PTPN13: variants seen among roughly 807,000 people sequenced by gnomAD.
PTPN13 encodes the protein tyrosine-protein phosphatase non-receptor type 13.
Under a neutral mutation model 284.0 loss-of-function variants are expected in PTPN13, and 191 were observed. The ratio of observed to expected loss-of-function variants is 0.67; its 90% CI spans 0.60 to 0.76. The LOEUF (loss-of-function observed/expected upper bound fraction) is 0.76, where lower values mean the gene tolerates loss of function less well. Among genes scored for constraint, PTPN13 ranks in the 30% least tolerant of loss-of-function variants. The pLI, the probability that PTPN13 is intolerant of heterozygous loss-of-function variation, is 0.00. For synonymous variants in PTPN13, 986 were observed against 1,022.3 expected, an observed-to-expected ratio of 0.96 and a Z score of 0.68; for missense variants, 2,797 against 2,939.9, an observed-to-expected ratio of 0.95 and a Z score of 1.12.
intron 28 of PTPN13, 37 bp from the exon 29 acceptor site, chr4:86,769,732 A>G (rs1369105061): frequency 7.5e-7 from 1 of 1,329,726 alleles, no homozygotes; most frequent in South Asian, 1.3e-5. Context: ...ACAGCATGTT[A>G]ATAATATCTA....
At chr4:86,684,625 G>A (rs148056592) in intron 3 of PTPN13, among the ~76,000 whole-genome samples, 9 of 152,242 alleles carry the variant, frequency 5.9e-5, no homozygotes, top group African/African-American at 2.2e-4. Flanking sequence ...AAAGTGTTGT[G>A]AGACTGTAAG....
intron 23 of PTPN13, among the ~76,000 whole-genome samples, chr4:86,761,347 A>G (rs1364879927): frequency 6.6e-6 from 1 of 151,948 alleles, no homozygotes; most frequent in Non-Finnish European, 1.5e-5. Flanking sequence ...TTCTATTGTT[A>G]TGTATCCAGG....
chr4:86,734,156 G>T, intron 12 of PTPN13, 147 bp from the exon 13 acceptor site: 1 of 640,790 alleles, frequency 1.6e-6, no homozygotes, highest in African/African-American at 1.9e-5. Flanking sequence ...GAGTGTCTCA[G>T]AGCTCCCTGC....
At chr4:86,596,747 C>T (rs1335249608) in intron 1 of PTPN13, among the ~76,000 whole-genome samples, 2 of 152,102 alleles carry the variant, frequency 1.3e-5, no homozygotes, top group Non-Finnish European at 2.9e-5. Context: ...ATCTTAGTGC[C>T]CAGCCCCAAA....
intron 7 of PTPN13, among the ~76,000 whole-genome samples, chr4:86,715,234 A>ATGTG (rs147987763): frequency 1.2e-4 from 18 of 151,834 alleles, no homozygotes. Context: ...GTGTGTATAT[A>ATGTG]CGTGTGTGTG....
At chr4:86,667,409 T>G (rs1254496696) in intron 2 of PTPN13, among the ~76,000 whole-genome samples, 1 of 152,214 alleles carries the variant, frequency 6.6e-6, no homozygotes, top group African/African-American at 2.4e-5. Context: ...AAACAAGTTT[T>G]TTTTTTAAGT....
At chr4:86,669,293 A>G (rs1237214880) in intron 2 of PTPN13, among the ~76,000 whole-genome samples, 1 of 130,334 alleles carries the variant, frequency 7.7e-6, no homozygotes. Context: ...ATGTATATAT[A>G]TATATATATA....
chr4:86,668,982 C>G (rs1413356381), intron 2 of PTPN13, among the ~76,000 whole-genome samples: 1 of 151,670 alleles, frequency 6.6e-6, no homozygotes, highest in African/African-American at 2.4e-5. Context: ...CACCATTTCT[C>G]TGCCCAAAAT....
At chr4:86,699,464 C>T (rs1455023830) in intron 6 of PTPN13, among the ~76,000 whole-genome samples, 1 of 151,968 alleles carries the variant, frequency 6.6e-6, no homozygotes, top group Non-Finnish European at 1.5e-5. Context: ...CCAACAGCTC[C>T]GGTTTTCCTG....
At chr4:86,810,406 T>C (rs991569800) in intron 46 of PTPN13, among the ~76,000 whole-genome samples, 11 of 152,168 alleles carry the variant, frequency 7.2e-5, no homozygotes, top group African/African-American at 2.4e-4. Flanking sequence ...AAATGTATAT[T>C]TTATTATAAA....
rs796389778 is a variant in PTPN13 at position 86,718,455 on chromosome 4, C to CTTTTTTTTTTTTTTTTTTTTTTTTTTT, written c.1385+1351_1385+1352insTTTTTTTTTTTTTTTTTTTTTTTTTTT. Among the ~76,000 whole-genome samples the CTTTTTTTTTTTTTTTTTTTTTTTTTTT allele has an allele frequency of 9.3e-5, 13 of 140,196 alleles. 1 individual carries two copies. The highest frequency in any genetic ancestry group is 1.8e-4 in the Non-Finnish European group (11 of 62,748). 92.0% of individuals were successfully genotyped at this position (140,196 alleles called of 152,430 possible). A position where few individuals can be genotyped will look rare whatever the true frequency, so the allele number is the denominator to read the frequency against. ...AAATTATTCTTTAGTTAATGGTCCA[C>CTTTTTTTTTTTTTTTTTTTTTTTTTTT]TTTTTTTTTTTTTGAGACAGAGTCT... is the stretch of plus-strand genomic sequence containing the variant. On this transcript the variant is annotated intron_variant, in intron 9 of 47. Coordinates refer to ENST00000411767, the MANE Select transcript of PTPN13 (RefSeq NM_080683.3).
At chr4:86,730,153 G>A (rs146324755) in intron 10 of PTPN13, among the ~76,000 whole-genome samples, 5 of 149,692 alleles carry the variant, frequency 3.3e-5, no homozygotes, top group African/African-American at 1.2e-4. Context: ...ATCACCAGTG[G>A]ATGCTGCAGA....
chr4:86,774,145 A>G (rs1740326078), intron 32 of PTPN13, among the ~76,000 whole-genome samples: 1 of 152,138 alleles, frequency 6.6e-6, no homozygotes, highest in South Asian at 2.1e-4. Flanking sequence ...AGACAAACAT[A>G]ATGTTGTGCT....
At chr4:86,618,384 G>T (rs1187092973) in intron 1 of PTPN13, among the ~76,000 whole-genome samples, 13 of 152,012 alleles carry the variant, frequency 8.6e-5, no homozygotes, top group African/African-American at 2.2e-4. Flanking sequence ...TTGTTCTTTT[G>T]GCTTAGGATT....
chr4:86,716,385 G>T (rs553645982), intron 7 of PTPN13, 145 bp from the exon 8 acceptor site: 3 of 572,722 alleles, frequency 5.2e-6, no homozygotes, highest in Non-Finnish European at 9.0e-6. Context: ...TTATTGGAAC[G>T]CATTATTTGA....
At chr4:86,633,836 T>G (rs1316698273) in intron 1 of PTPN13, among the ~76,000 whole-genome samples, 1 of 152,198 alleles carries the variant, frequency 6.6e-6, no homozygotes, top group Non-Finnish European at 1.5e-5. Flanking sequence ...TATAATAAAG[T>G]CAATGAGAAC....
chr4:86,639,056 G>A (rs1046172205), intron 2 of PTPN13, among the ~76,000 whole-genome samples: 2 of 152,120 alleles, frequency 1.3e-5, no homozygotes, highest in East Asian at 1.9e-4. Context: ...CATTTACGCA[G>A]CCAAAAGACA....
chr4:86,768,028 C>G (rs1739533887), intron 28 of PTPN13, 52 bp downstream of exon 28: 1 of 1,529,944 alleles, frequency 6.5e-7, no homozygotes, highest in South Asian at 1.3e-5. Context: ...CTCGCCTATT[C>G]AAAATTTGAT....
At chr4:86,630,528 A>T (rs1201500133) in intron 1 of PTPN13, among the ~76,000 whole-genome samples, 1 of 152,182 alleles carries the variant, frequency 6.6e-6, no homozygotes, top group Non-Finnish European at 1.5e-5. Flanking sequence ...GCTGTGTCTC[A>T]AACTTTTCTA....
Sources: gnomAD v4.1 joint callset for allele counts (sites outside exome capture counted in the v4.1 genomes callset) on GRCh38, gnomAD v4.1.1 for gene constraint, MANE v1.5 for transcripts, NCBI Gene and HGNC (gene_info 2026-07-23, HGNC 2026-07-21) for gene names.